ZNF716: variants seen among roughly 807,000 people sequenced by gnomAD.
ZNF716 encodes the protein zinc finger protein 716.
In ZNF716, 9 loss-of-function variants were observed where a neutral mutation model predicts 13.4. That is an observed-to-expected ratio of 0.67 (90% confidence interval 0.41 to 1.18). The LOEUF is 1.18. ZNF716 is among the 50% of genes most tolerant of loss of function. The probability of loss-of-function intolerance (pLI) is 0.01; values close to 1 mark genes in which losing one functional copy is unlikely to be tolerated. For missense variants in ZNF716, 581 were observed against 576.6 expected (o/e 1.01, Z -0.08); for synonymous variants, 186 against 195.2 (o/e 0.95, Z 0.39).
At chr7:57,467,867 A>T (rs1242406020) in intron 3 of ZNF716, among the ~76,000 whole-genome samples, 1 of 151,678 alleles carries the variant, frequency 6.6e-6, no homozygotes, top group Non-Finnish European at 1.5e-5. Flanking sequence ...CATAATATGG[A>T]TTATCTTATA....
intron 1 of ZNF716, among the ~76,000 whole-genome samples, chr7:57,460,795 T>C (rs1364833197): frequency 1.4e-4 from 22 of 152,108 alleles, no homozygotes; most frequent in Admixed American, 1.1e-3. Flanking sequence ...ATTAGTTCCA[T>C]GCAGAACAGG....
Position 57,470,198 on chromosome 7 carries a change from T to A in ZNF716, c.*249T>A. The A allele has an allele frequency of 6.5e-6, 2 of 306,648 alleles. No individual in the cohort carries two copies. The highest frequency in any genetic ancestry group is 1.2e-5 in the Non-Finnish European group (2 of 170,194). 19.0% of individuals were successfully genotyped at this position (306,648 alleles called of 1,614,324 possible). A position where few individuals can be genotyped will look rare whatever the true frequency, so the allele number is the denominator to read the frequency against. On this transcript the variant is annotated 3_prime_UTR_variant, in exon 4 of 4. Transcript: ENST00000420713. Reference sequence around the variant, plus strand: ...AAATTTTTTTGAGACAGAGTCTCACTTTGTCACCCAGGCTGGAGTGCAGTG... The same window carrying A: ...AAATTTTTTTGAGACAGAGTCTCACATTGTCACCCAGGCTGGAGTGCAGTG...
Position 57,463,426 on chromosome 7 carries a change from A to T in ZNF716, c.262+258A>T, listed in dbSNP as rs189817361. On this transcript the variant is annotated intron_variant, in intron 3 of 3. Coordinates refer to ENST00000420713, the MANE Select transcript of ZNF716 (RefSeq NM_001159279.1). ...GCTAAAGTTTTCTTTATGGCTTATAAGGGACTGCAAAAACTGACTGCTTTG... is the reference window on the plus strand; with the variant it reads ...GCTAAAGTTTTCTTTATGGCTTATATGGGACTGCAAAAACTGACTGCTTTG... Among the ~76,000 whole-genome samples, 232 of 152,312 alleles carry T rather than the reference A, an allele frequency of 1.5e-3. 2 individuals carry two copies. Among genetic ancestry groups the T allele is most frequent in the South Asian group, 6.6e-3 (32 of 4,830 alleles).
At chr7:57,454,725 A>G (rs1554322023) in intron 1 of ZNF716, among the ~76,000 whole-genome samples, 1 of 152,132 alleles carries the variant, frequency 6.6e-6, no homozygotes, top group Non-Finnish European at 1.5e-5. Flanking sequence ...TCAGATTTAG[A>G]TAAGAATTCT....
chr7:57,463,466 G>GAC (rs782387982), intron 3 of ZNF716, among the ~76,000 whole-genome samples: 1 of 152,140 alleles, frequency 6.6e-6, no homozygotes, highest in Non-Finnish European at 1.5e-5. Context: ...TGCTTTTGGG[G>GAC]ACACACAAAT....
Position 57,472,993 on chromosome 7 carries a change from C to G in ZNF716, c.*3044C>G, listed in dbSNP as rs1326336365. On this transcript the variant is annotated 3_prime_UTR_variant, in exon 4 of 4. Transcript: ENST00000420713. ...ATGTATTTATCCTTTGTATTACAAA[C>G]AATCCCATTATACAGTTTTAGTTAT... is the stretch of plus-strand genomic sequence containing the variant. The G allele has an allele frequency of 6.6e-6, 1 of 152,066 alleles. No homozygotes were observed. Among genetic ancestry groups the G allele is most frequent in the Non-Finnish European group, 1.5e-5 (1 of 68,034 alleles). 9.4% of individuals were successfully genotyped at this position (152,066 alleles called of 1,614,324 possible). A position where few individuals can be genotyped will look rare whatever the true frequency, so the allele number is the denominator to read the frequency against.
chr7:57,470,002 GA>G lies in ZNF716; in HGVS notation c.*59del, dbSNP rs1257043754. Reference sequence around the variant, plus strand: ...ATAATACATAAAATAATTTATACTGGAAAAAATCACTACAAGTGTGGAGAAT... The same window carrying G: ...ATAATACATAAAATAATTTATACTGGAAAAATCACTACAAGTGTGGAGAAT... On this transcript the variant is annotated 3_prime_UTR_variant, in exon 4 of 4. Coordinates refer to ENST00000420713, the MANE Select transcript of ZNF716 (RefSeq NM_001159279.1). 1 of 1,450,978 alleles carries G rather than the reference GA, an allele frequency of 6.9e-7. No individual in the cohort carries two copies. Among genetic ancestry groups the G allele is most frequent in the Non-Finnish European group, 9.1e-7 (1 of 1,096,100 alleles). 89.9% of individuals were successfully genotyped at this position (1,450,978 alleles called of 1,614,324 possible). A position where few individuals can be genotyped will look rare whatever the true frequency, so the allele number is the denominator to read the frequency against.
In ZNF716 at chr7:57,450,332, G is replaced by A. The variant is rs1789463681; in HGVS notation, c.39+5G>A. On this transcript the variant is annotated splice_donor_5th_base_variant and intron_variant, in intron 1 of 3. Coordinates refer to ENST00000420713, the MANE Select transcript of ZNF716 (RefSeq NM_001159279.1). ...CCCCCTGGAAGCCGAGAAATGGTGAGTGCTGGGTCTGTCACCGTGAGAGAG... is the reference window on the plus strand; with the variant it reads ...CCCCCTGGAAGCCGAGAAATGGTGAATGCTGGGTCTGTCACCGTGAGAGAG... The A allele has an allele frequency of 1.9e-6, 3 of 1,613,592 alleles. No homozygotes were observed. The highest frequency in any genetic ancestry group is 3.3e-5 in the Admixed American group (2 of 59,990).
chr7:57,456,857 C>T (rs1453780746), intron 1 of ZNF716, among the ~76,000 whole-genome samples: 1 of 152,078 alleles, frequency 6.6e-6, no homozygotes, highest in Non-Finnish European at 1.5e-5. Context: ...AGTCTCTGTT[C>T]TCTTGCACAC....
Position 57,468,709 on chromosome 7 carries a change from T to A in ZNF716, c.263-15T>A. 6.3e-7 allele frequency: 1 copy of A among 1,586,136 alleles called. No individual in the cohort carries two copies. On this transcript the variant is annotated splice_polypyrimidine_tract_variant and intron_variant, in intron 3 of 3. Coordinates refer to ENST00000420713, the MANE Select transcript of ZNF716 (RefSeq NM_001159279.1). ...TGTAGTAAGTGGAGAAACTTGTGAT[T>A]TTTATGTCTTTCAGTTACATGTTCT...
In ZNF716 at chr7:57,469,115, T is replaced by C; in HGVS notation, c.654T>C (p.Cys218=). The change falls in exon 4 of 4, where the codon TGT becomes TGC. Residue 218 remains cysteine (C), a synonymous_variant. Coordinates refer to ENST00000420713, the MANE Select transcript of ZNF716 (RefSeq NM_001159279.1). ...AGAAGTCTTACAAATGTGAAGAATG[T>C]GGCAAATCCTTTAACTGCTCTTCAA... ...TREKSYKCEE[C]GKSFNCSSTL... is the part of the protein sequence containing the mutation. 2 of 1,608,862 alleles carry C rather than the reference T, an allele frequency of 1.2e-6. No individual in the cohort carries two copies. Among genetic ancestry groups the C allele is most frequent in the Non-Finnish European group, 1.7e-6 (2 of 1,177,166 alleles).
rs189013851 is a variant in ZNF716, at chr7:57,466,461, A to G, written c.263-2263A>G. Among the ~76,000 whole-genome samples the G allele has an allele frequency of 3.3e-5, 5 of 149,334 alleles. No homozygotes were observed. The East Asian group carries it at 9.9e-4, about 30-fold the overall frequency. On this transcript the variant is annotated intron_variant, in intron 3 of 3. Coordinates refer to ENST00000420713, the MANE Select transcript of ZNF716 (RefSeq NM_001159279.1). ...ACTTGGCACAATCCCCTTGGTAATC[A>G]TAGAGTTCTCACTCTATTAATTCAC...
rs1301707972 is a variant in ZNF716 at position 57,473,445 on chromosome 7, C to T, written c.*3496C>T. On this transcript the variant is annotated 3_prime_UTR_variant, in exon 4 of 4. Coordinates refer to ENST00000420713, the MANE Select transcript of ZNF716 (RefSeq NM_001159279.1). ...TGAGGCAGGAGAATTGCTTGAACCT[C>T]GGAGGTGGAGGTAGCAGTGAGCTGA... 2.0e-5 allele frequency: 3 copies of T among 151,668 alleles called. No individual in the cohort carries two copies. The highest frequency in any genetic ancestry group is 4.8e-5 in the African/African-American group (2 of 41,270). The allele number at this position is 151,668 out of a possible 1,614,324, so 9.4% of individuals were successfully genotyped here.
At chr7:57,466,736 C>A (rs1554324200) in intron 3 of ZNF716, among the ~76,000 whole-genome samples, 1 of 151,920 alleles carries the variant, frequency 6.6e-6, no homozygotes, top group Non-Finnish European at 1.5e-5. Flanking sequence ...AATTAATACA[C>A]TATATTATGT....
In ZNF716 at chr7:57,463,153, G is replaced by A. The variant is rs782569998; in HGVS notation, c.247G>A (p.Val83Ile). ...CCAGAATATAAAGAGAAATGAGATG[G>A]TAGCCAAACACCCAGGTAGGTGAGA... is the stretch of plus-strand genomic sequence containing the variant. Reference protein sequence around the residue: ...EPQNIKRNEMVAKHPVTCSHF... With the variant: ...EPQNIKRNEMIAKHPVTCSHF... Residue 83 changes from valine (V) to isoleucine (I), a missense_variant, in exon 3 of 4, where the codon GTA becomes ATA. Coordinates refer to ENST00000420713, the MANE Select transcript of ZNF716 (RefSeq NM_001159279.1). 12 of 1,608,196 alleles carry A rather than the reference G, an allele frequency of 7.5e-6. No individual in the cohort carries two copies. The South Asian group carries it at 1.1e-4, about 15-fold the overall frequency.
In ZNF716 at chr7:57,470,132, A is replaced by G. The variant is rs1447585935; in HGVS notation, c.*183A>G. ...AAAAAAAAAGTAACAGCCTTTAACC[A>G]CCCCTCAAACCTTAATGAACCCAAG... On this transcript the variant is annotated 3_prime_UTR_variant, in exon 4 of 4. Transcript: ENST00000420713. 4 of 610,020 alleles carry G rather than the reference A, an allele frequency of 6.6e-6. No homozygotes were observed. Among genetic ancestry groups the G allele is most frequent in the Non-Finnish European group, 1.0e-5 (4 of 390,128 alleles). The allele number at this position is 610,020 out of a possible 1,614,324, so 37.8% of individuals were successfully genotyped here. A position where few individuals can be genotyped will look rare whatever the true frequency, so the allele number is the denominator to read the frequency against.
At chr7:57,450,952 C>T (rs1317845071) in intron 1 of ZNF716, among the ~76,000 whole-genome samples, 1 of 152,012 alleles carries the variant, frequency 6.6e-6, no homozygotes, top group East Asian at 1.9e-4. Flanking sequence ...GTTATGTCAT[C>T]AGAGATTAAT....
At chr7:57,454,452 G>C (rs1363886182) in intron 1 of ZNF716, among the ~76,000 whole-genome samples, 5 of 152,150 alleles carry the variant, frequency 3.3e-5, no homozygotes, top group African/African-American at 1.2e-4. Context: ...CAAGCTATGA[G>C]CAATATGGAG....
rs1227320072 is a variant in ZNF716 at position 57,472,977 on chromosome 7, T to G, written c.*3028T>G. On this transcript the variant is annotated 3_prime_UTR_variant, in exon 4 of 4. Coordinates refer to ENST00000420713, the MANE Select transcript of ZNF716 (RefSeq NM_001159279.1). ...ATTCATCACCTTGAGCATGTATTTA[T>G]CCTTTGTATTACAAACAATCCCATT... 6.6e-6 allele frequency: 1 copy of G among 152,188 alleles called. No individual in the cohort carries two copies. 9.4% of individuals were successfully genotyped at this position (152,188 alleles called of 1,614,324 possible). A position where few individuals can be genotyped will look rare whatever the true frequency, so the allele number is the denominator to read the frequency against.
Sources: allele counts gnomAD v4.1 joint callset (sites outside exome capture counted in the v4.1 genomes callset), GRCh38; gene constraint gnomAD v4.1.1; transcripts MANE v1.5; gene names NCBI Gene and HGNC (gene_info 2026-07-23, HGNC 2026-07-21).